Variants in GPC5 observed in about 807,000 individuals in gnomAD.
GPC5 encodes the protein glypican 5.
In GPC5, 47 loss-of-function variants were observed where a neutral mutation model predicts 53.9. The ratio of observed to expected loss-of-function variants is 0.87; its 90% CI spans 0.69 to 1.11. The LOEUF is 1.11. Among genes scored for constraint, GPC5 ranks in the 50% most tolerant of loss-of-function variants. GPC5 has a pLI of 0.00. For synonymous variants in GPC5, 286 were observed against 263.3 expected (o/e 1.09, Z -0.84); for missense variants, 748 against 713.1 (o/e 1.05, Z -0.56).
chr13:92,299,226 G>A (rs2043059017), intron 7 of GPC5, among the ~76,000 whole-genome samples: 1 of 152,102 alleles, frequency 6.6e-6, no homozygotes, highest in Non-Finnish European at 1.5e-5. Flanking sequence ...GATCTTTATG[G>A]ATATTGATTT....
At position 91,595,611 on chromosome 13, in the gene GPC5, A is replaced by G. The variant is rs559733685; in HGVS notation, c.326-97576A>G. Among the ~76,000 whole-genome samples the G allele has an allele frequency of 3.7e-4, 56 of 152,200 alleles. 1 individual carries two copies. The South Asian group carries it at 0.011, about 31-fold the overall frequency. On this transcript the variant is annotated intron_variant, in intron 2 of 7. Coordinates refer to ENST00000377067, the MANE Select transcript of GPC5 (RefSeq NM_004466.6). ...TTATTCCCATTTTCTTCTGTATTGTATATAATTTTCTCCTGTACTATCTGA... is the reference window on the plus strand; with the variant it reads ...TTATTCCCATTTTCTTCTGTATTGTGTATAATTTTCTCCTGTACTATCTGA...
intron 1 of GPC5, among the ~76,000 whole-genome samples, chr13:91,413,766 C>G (rs1187962590): frequency 3.9e-5 from 6 of 152,156 alleles, no homozygotes; most frequent in African/African-American, 1.4e-4. Flanking sequence ...CCTTGGTGAT[C>G]TGGCCCCTTC....
At chr13:92,196,404 C>A (rs1395734090) in intron 7 of GPC5, among the ~76,000 whole-genome samples, 1 of 151,998 alleles carries the variant, frequency 6.6e-6, no homozygotes, top group Non-Finnish European at 1.5e-5. Flanking sequence ...TATTTAATAT[C>A]TATTTTAAAT....
chr13:92,562,647 C>T (rs1156438316), intron 7 of GPC5, among the ~76,000 whole-genome samples: 2 of 152,064 alleles, frequency 1.3e-5, no homozygotes, highest in African/African-American at 2.4e-5. Flanking sequence ...CAATATGCTG[C>T]GAAATCATCT....
chr13:92,268,399 A>G (rs927048083), intron 7 of GPC5, among the ~76,000 whole-genome samples: 2 of 151,982 alleles, frequency 1.3e-5, no homozygotes, highest in African/African-American at 4.8e-5. Flanking sequence ...ACAGATATAT[A>G]ACAAAATAGG....
chr13:92,271,215 C>T (rs757473656), intron 7 of GPC5, among the ~76,000 whole-genome samples: 2 of 152,188 alleles, frequency 1.3e-5, no homozygotes, highest in Non-Finnish European at 2.9e-5. Context: ...CAGGGCATGC[C>T]ATCTACTATG....
chr13:92,240,561 T>C (rs1200482016), intron 7 of GPC5: 1 of 152,286 alleles, frequency 6.6e-6, no homozygotes. Context: ...TAGAGTGCAG[T>C]GGTGCGATCT....
At chr13:91,472,106 C>T (rs1177529207) in intron 2 of GPC5, among the ~76,000 whole-genome samples, 1 of 152,068 alleles carries the variant, frequency 6.6e-6, no homozygotes, top group African/African-American at 2.4e-5. Context: ...TTCCAGAATT[C>T]TCTGTTCAAT....
At chr13:92,268,599 C>T (rs1033256247) in intron 7 of GPC5, among the ~76,000 whole-genome samples, 34 of 151,616 alleles carry the variant, frequency 2.2e-4, no homozygotes, top group Admixed American at 3.3e-4. Flanking sequence ...CTATTATACA[C>T]GCTCATAAAA....
At chr13:92,405,696 T>G (rs1304311855) in intron 7 of GPC5, among the ~76,000 whole-genome samples, 2 of 152,212 alleles carry the variant, frequency 1.3e-5, no homozygotes, top group African/African-American at 4.8e-5. Context: ...ACTAGGGATA[T>G]GAAATTAGTA....
At chr13:92,602,209 AC>A (rs1884084369) in intron 7 of GPC5, among the ~76,000 whole-genome samples, 1 of 75,066 alleles carries the variant, frequency 1.3e-5, no homozygotes, top group Non-Finnish European at 2.6e-5. Context: ...TATATATATT[AC>A]ATATATATAA....
At chr13:92,369,542 T>C (rs1050048722) in intron 7 of GPC5, among the ~76,000 whole-genome samples, 2 of 152,174 alleles carry the variant, frequency 1.3e-5, no homozygotes, top group Non-Finnish European at 2.9e-5. Flanking sequence ...AATTGAACAG[T>C]ATGCACTCAA....
At chr13:91,725,534 G>A (rs887546931) in intron 3 of GPC5, among the ~76,000 whole-genome samples, 6 of 152,058 alleles carry the variant, frequency 3.9e-5, no homozygotes, top group Non-Finnish European at 8.8e-5. Flanking sequence ...ACAAATATAA[G>A]GGCTTTGAAA....
intron 7 of GPC5, among the ~76,000 whole-genome samples, chr13:92,641,926 G>T (rs1365478924): frequency 1.3e-5 from 2 of 151,962 alleles, no homozygotes; most frequent in African/African-American, 4.8e-5. Context: ...CATGACTCCT[G>T]ATCAATCAGA....
At chr13:92,756,596 C>A (rs768021975) in intron 7 of GPC5, among the ~76,000 whole-genome samples, 8,257 of 149,086 alleles carry the variant, frequency 0.055, 369 homozygotes, top group African/African-American at 0.12. Context: ...TGTCTCAGCC[C>A]AAAATCTCCT....
At chr13:92,550,901 T>G (rs1339345830) in intron 7 of GPC5, among the ~76,000 whole-genome samples, 1 of 151,904 alleles carries the variant, frequency 6.6e-6, no homozygotes, top group African/African-American at 2.4e-5. Context: ...GTTTGTTTGT[T>G]TATTTTTAAG....
At chr13:91,579,952 C>T (rs535083754) in intron 2 of GPC5, among the ~76,000 whole-genome samples, 27 of 152,010 alleles carry the variant, frequency 1.8e-4, no homozygotes, top group Non-Finnish European at 2.6e-4. Flanking sequence ...TAGAGCTTTA[C>T]GGTATTTTAA....
intron 7 of GPC5, among the ~76,000 whole-genome samples, chr13:92,160,780 T>G (rs906103704): frequency 6.6e-6 from 1 of 152,242 alleles, no homozygotes; most frequent in South Asian, 2.1e-4. Context: ...CATAAATGAA[T>G]AATAAAAAGC....
intron 2 of GPC5, among the ~76,000 whole-genome samples, chr13:91,685,016 A>G (rs1309951782): frequency 6.6e-6 from 1 of 151,994 alleles, no homozygotes. Context: ...GCTCTTTTTC[A>G]TCACTGAGGC....
Sources: allele counts gnomAD v4.1 joint callset (sites outside exome capture counted in the v4.1 genomes callset), GRCh38; gene constraint gnomAD v4.1.1; transcripts MANE v1.5; gene names NCBI Gene and HGNC (gene_info 2026-07-23, HGNC 2026-07-21).